The following BCL2L14 variants were observed in gnomAD, a reference collection of about 807,000 sequenced individuals.
BCL2L14 encodes the protein apoptosis facilitator Bcl-2-like protein 14.
In BCL2L14, 27 loss-of-function variants were observed where a neutral mutation model predicts 35.3. The ratio of observed to expected loss-of-function variants is 0.76; its 90% CI spans 0.56 to 1.05. The LOEUF (loss-of-function observed/expected upper bound fraction) is 1.05, where lower values mean the gene tolerates loss of function less well. Among genes scored for constraint, BCL2L14 ranks in the 50% least tolerant of loss-of-function variants. The probability of loss-of-function intolerance (pLI) is 0.00; values close to 1 mark genes in which losing one functional copy is unlikely to be tolerated. For missense variants in BCL2L14, 377 were observed against 382.6 expected, an observed-to-expected ratio of 0.99 and a Z score of 0.12; for synonymous variants, 139 against 145.9, an observed-to-expected ratio of 0.95 and a Z score of 0.34.
chr12:12,085,478 A>C (rs1447502393), intron 2 of BCL2L14, among the ~76,000 whole-genome samples: 1 of 152,204 alleles, frequency 6.6e-6, no homozygotes, highest in Non-Finnish European at 1.5e-5. Context: ...ACAAAGTGGA[A>C]AGTCTGTTTC....
chr12:12,075,336 T>G (rs111637878), intron 1 of BCL2L14, among the ~76,000 whole-genome samples: 3,795 of 152,224 alleles, frequency 0.025, 161 homozygotes, highest in African/African-American at 0.087. Context: ...TTGGCCAGGC[T>G]GCTCTTGAAC....
chr12:12,059,241 G>A lies in BCL2L14; in HGVS notation c.-272+7394G>A, dbSNP rs147394177. 1.9e-3 allele frequency among the ~76,000 whole-genome samples: 282 copies of A among 151,836 alleles called. 4 individuals carry two copies. The East Asian group carries it at 0.047, about 25-fold the overall frequency. On this transcript the variant is annotated intron_variant, in intron 2 of 3. Transcript: ENST00000461264. ...TCCTTCACCCTTAGCGGCAAGTCCC[G>A]CTTTTCTGGGGGAGGGGCAAGTACC...
chr12:12,085,420 G>C (rs1949020527), intron 2 of BCL2L14, among the ~76,000 whole-genome samples: 1 of 152,206 alleles, frequency 6.6e-6, no homozygotes, highest in African/African-American at 2.4e-5. Flanking sequence ...AGGGGCCATG[G>C]GTGGCCAGAG....
intron 2 of BCL2L14, among the ~76,000 whole-genome samples, chr12:12,061,109 CT>C (rs552254351): frequency 0.015 from 1,812 of 121,334 alleles, 43 homozygotes; most frequent in African/African-American, 0.042. Context: ...TTAAGCACTC[CT>C]TTTTAGTTAT....
At chr12:12,088,279 A>G (rs1034660329) in intron 3 of BCL2L14, among the ~76,000 whole-genome samples, 13 of 152,174 alleles carry the variant, frequency 8.5e-5, no homozygotes, top group Admixed American at 8.5e-4. Context: ...AGGTTTGAGG[A>G]GGTGGTGTCT....
intron 5 of BCL2L14, chr12:12,095,326 C>G (rs771011729): frequency 2.0e-6 from 2 of 985,232 alleles, no homozygotes; most frequent in South Asian, 9.4e-5. Flanking sequence ...TTAGAGGTCA[C>G]GGAGACTAAG....
intron 1 of BCL2L14, chr12:12,071,420 A>G (rs998043644): frequency 1.3e-5 from 2 of 152,208 alleles, no homozygotes; most frequent in African/African-American, 4.8e-5. Context: ...TGGTTGAGGT[A>G]TGTGACGTTA....
At chr12:12,069,563 C>T (rs1217782587), upstream of BCL2L14, among the ~76,000 whole-genome samples, 2 of 150,318 alleles carry the variant, frequency 1.3e-5, no homozygotes, top group Non-Finnish European at 3.0e-5. Context: ...AAAAAATTAT[C>T]CAGGCTTGGT....
chr12:12,079,475 G>C lies in BCL2L14; in HGVS notation c.170G>C (p.Gly57Ala), dbSNP rs1219763267. The change falls in exon 2 of 6, where the codon GGC becomes GCC. Residue 57 changes from glycine to alanine, a missense_variant. By Grantham distance (60) the Gly-to-Ala change is moderately conservative (BLOSUM62 0). Transcript: ENST00000308721. ...LLRTRSLSQR[G>A]LGNCSANESW... is the part of the protein sequence containing the mutation. ...AGAACAAGAAGTTTGTCCCAGAGGG[G>C]CCTGGGGAATTGTTCAGCAAATGAG... 1 of 1,614,114 alleles carries C rather than the reference G, an allele frequency of 6.2e-7. No individual in the cohort carries two copies. The highest frequency in any genetic ancestry group is 8.5e-7 in the Non-Finnish European group (1 of 1,180,060).
At chr12:12,081,186 C>A (rs61585812) in intron 2 of BCL2L14, among the ~76,000 whole-genome samples, 2,302 of 151,798 alleles carry the variant, frequency 0.015, 54 homozygotes, top group African/African-American at 0.053. Flanking sequence ...GAGCCCATCA[C>A]GTCGATACTC....
At chr12:12,052,007 T>G (rs1209004728) in intron 2 of BCL2L14, among the ~76,000 whole-genome samples, 1 of 152,208 alleles carries the variant, frequency 6.6e-6, no homozygotes, top group Non-Finnish European at 1.5e-5. Context: ...ACGTGGGTGG[T>G]GAGTGCAAAG....
intron 1 of BCL2L14, among the ~76,000 whole-genome samples, chr12:12,051,077 T>C (rs1306404982): frequency 6.6e-6 from 1 of 152,200 alleles, no homozygotes; most frequent in Non-Finnish European, 1.5e-5. Context: ...TCAGGACTTT[T>C]CACTGTAGTA....
At chr12:12,051,771 C>T (rs1207500834) in intron 1 of BCL2L14, 2 of 152,158 alleles carry the variant, frequency 1.3e-5, no homozygotes, top group Non-Finnish European at 2.9e-5. Flanking sequence ...GACCCTAAAG[C>T]GAATATTATC....
At chr12:12,082,284 G>A (rs12823603) in intron 2 of BCL2L14, among the ~76,000 whole-genome samples, 42,148 of 152,116 alleles carry the variant, frequency 0.28, 6,034 homozygotes, top group Middle Eastern at 0.33. Flanking sequence ...GCAGGTCTAG[G>A]GCAAGAGGGA....
Position 12,079,933 on chromosome 12 carries a change from G to A in BCL2L14, c.433+195G>A, listed in dbSNP as rs577375417. ...CTAAAAGGAGTTGCTGCCTGGGCGCGGTGGCTCACGCCTGTAATCCCAGCA... is the reference window on the plus strand; with the variant it reads ...CTAAAAGGAGTTGCTGCCTGGGCGCAGTGGCTCACGCCTGTAATCCCAGCA... On this transcript the variant is annotated intron_variant, in intron 2 of 5. Transcript: ENST00000308721. Among the ~76,000 whole-genome samples the A allele has an allele frequency of 1.1e-4, 16 of 152,212 alleles. No individual in the cohort carries two copies. The East Asian group carries it at 2.3e-3, about 22-fold the overall frequency.
chr12:12,081,140 T>C (rs1195577137), intron 2 of BCL2L14, among the ~76,000 whole-genome samples: 3 of 151,982 alleles, frequency 2.0e-5, no homozygotes, highest in African/African-American at 7.2e-5. Flanking sequence ...TGAGCCAAGA[T>C]GATGCCACTG....
In BCL2L14 at chr12:12,079,666, G is replaced by T; in HGVS notation, c.361G>T (p.Glu121Ter). Residue 121 changes from glutamate to a stop codon, truncating the protein, a stop_gained, in exon 2 of 6, where the codon GAA becomes TAA. Coordinates refer to ENST00000308721, the MANE Select transcript of BCL2L14 (RefSeq NM_138723.2). LOFTEE classifies it high-confidence loss of function. ...KVSAQGQRTLEYQDSHSQQWS... is the reference protein window; with the variant it reads ...KVSAQGQRTL ...CTCTGCTCAGGGTCAAAGGACGTTG[G>T]AATACCAAGATTCGCACAGCCAGCA... 6.2e-7 allele frequency: 1 copy of T among 1,614,204 alleles called. No individual in the cohort carries two copies. The highest frequency in any genetic ancestry group is 8.5e-7 in the Non-Finnish European group (1 of 1,180,048).
At chr12:12,082,635 T>G (rs74064614) in intron 2 of BCL2L14, among the ~76,000 whole-genome samples, 2,306 of 152,320 alleles carry the variant, frequency 0.015, 53 homozygotes, top group African/African-American at 0.053. Flanking sequence ...TATGTGAGAT[T>G]GAGAATTAAA....
intron 2 of BCL2L14, among the ~76,000 whole-genome samples, chr12:12,085,906 C>T (rs149371700): frequency 1.3e-4 from 20 of 152,314 alleles, no homozygotes; most frequent in African/African-American, 4.8e-4. Context: ...AACGCCACTC[C>T]ATTACTGTCT....
Sources: gnomAD v4.1 joint callset for allele counts (sites outside exome capture counted in the v4.1 genomes callset) on GRCh38, gnomAD v4.1.1 for gene constraint, MANE v1.5 for transcripts, NCBI Gene and HGNC (gene_info 2026-07-23, HGNC 2026-07-21) for gene names.